Variants in PTPRN2 observed in about 807,000 individuals in gnomAD.
The protein encoded by PTPRN2 is receptor-type tyrosine-protein phosphatase N2.
A neutral mutation model predicts 118.8 loss-of-function variants in PTPRN2; 74 were observed. The observed-to-expected ratio is 0.62, with a 90% CI of 0.52 to 0.76. The LOEUF (loss-of-function observed/expected upper bound fraction) is 0.76. Ranked by LOEUF, PTPRN2 falls within the 30% of genes least tolerant of loss-of-function variation. PTPRN2 has a pLI of 0.00. For missense variants in PTPRN2, 1,481 were observed against 1,394.4 expected, an observed-to-expected ratio of 1.06 and a Z score of -0.99; for synonymous variants, 641 against 608.0, an observed-to-expected ratio of 1.05 and a Z score of -0.80.
chr7:158,408,144 A>G (rs1384262740), intron 2 of PTPRN2, among the ~76,000 whole-genome samples: 1 of 152,232 alleles, frequency 6.6e-6, no homozygotes, highest in African/African-American at 2.4e-5. Flanking sequence ...GGTGGCCTTC[A>G]GTGTTAGAAG....
chr7:158,195,152 G>A (rs184869324), intron 4 of PTPRN2, among the ~76,000 whole-genome samples: 9 of 152,122 alleles, frequency 5.9e-5, no homozygotes, highest in Non-Finnish European at 7.3e-5. Context: ...GTCCTTCAGC[G>A]TCTGTATTTC....
At chr7:157,837,500 G>A (rs945194352) in intron 12 of PTPRN2, among the ~76,000 whole-genome samples, 3 of 151,232 alleles carry the variant, frequency 2.0e-5, no homozygotes, top group African/African-American at 4.9e-5. Flanking sequence ...CTCAGAAGGG[G>A]CACCATGAGG....
At chr7:157,721,521 C>T (rs541416486) in intron 12 of PTPRN2, among the ~76,000 whole-genome samples, 4 of 152,362 alleles carry the variant, frequency 2.6e-5, no homozygotes, top group Non-Finnish European at 5.9e-5. Flanking sequence ...TCCTGACTGT[C>T]AGCCGAGCCC....
At chr7:158,326,261 G>A (rs1398669042) in intron 2 of PTPRN2, among the ~76,000 whole-genome samples, 1 of 152,236 alleles carries the variant, frequency 6.6e-6, no homozygotes, top group African/African-American at 2.4e-5. Context: ...TGGCCAGTGA[G>A]CACCAAGCAG....
rs905501171 is a variant in PTPRN2, at chr7:157,661,337, G to A, written c.2002-4786C>T. Among the ~76,000 whole-genome samples, 6 of 152,290 alleles carry A rather than the reference G, an allele frequency of 3.9e-5. No individual in the cohort carries two copies. The East Asian group carries it at 5.8e-4, about 15-fold the overall frequency. On this transcript the variant is annotated intron_variant, in intron 13 of 22. Coordinates refer to ENST00000389418, the MANE Select transcript of PTPRN2 (RefSeq NM_002847.5). ...GCTTGGCGCAGAATGCTGGAGACCC[G>A]TGGCGGCAGCTCTTCGCCTGTGCAG... is the stretch of plus-strand genomic sequence containing the variant.
chr7:158,005,376 G>T (rs1421181368), intron 11 of PTPRN2, among the ~76,000 whole-genome samples: 1 of 151,994 alleles, frequency 6.6e-6, no homozygotes, highest in Non-Finnish European at 1.5e-5. Context: ...ACCCAGTCGT[G>T]GTCACTCTTA....
At chr7:158,262,987 TCACACACATTGCA>T (rs1318081475) in intron 3 of PTPRN2, among the ~76,000 whole-genome samples, 2 of 136,912 alleles carry the variant, frequency 1.5e-5, no homozygotes, top group African/African-American at 2.9e-5. Flanking sequence ...ACATACAGAT[TCACACACATTGCA>T]CACACACATT....
chr7:158,490,878 G>C (rs1353598257), intron 1 of PTPRN2, among the ~76,000 whole-genome samples: 1 of 152,220 alleles, frequency 6.6e-6, no homozygotes, highest in Non-Finnish European at 1.5e-5. Flanking sequence ...CCCTCTCCTG[G>C]AGTTCAGGAG....
Position 157,646,991 on chromosome 7 carries a change from C to T in PTPRN2, c.2196+9366G>A, listed in dbSNP as rs534500440. On this transcript the variant is annotated intron_variant, in intron 14 of 22. Transcript: ENST00000389418. The stretch of plus-strand genomic sequence containing the variant: ...TTGGACCCATTCACTGTGCACTGAA[C>T]TCGGTGGGTCGGACCCATTCACTGT... Among the ~76,000 whole-genome samples the T allele has an allele frequency of 8.8e-5, 13 of 147,228 alleles. 1 individual carries two copies. Among genetic ancestry groups the T allele is most frequent in the African/African-American group, 3.4e-4 (13 of 38,682 alleles).
At position 157,845,612 on chromosome 7, in the gene PTPRN2, T is replaced by C. The variant is rs1268040996; in HGVS notation, c.1788+53061A>G. 6.6e-6 allele frequency among the ~76,000 whole-genome samples: 1 copy of C among 152,188 alleles called. No individual in the cohort carries two copies. The highest frequency in any genetic ancestry group is 1.5e-5 in the Non-Finnish European group (1 of 68,026). ...CAGCCCAGGCAATGTTAAGGAGCAT[T>C]GCATGGAGGAGCCACTTGCAGATGC... is the stretch of plus-strand genomic sequence containing the variant. On this transcript the variant is annotated intron_variant, in intron 12 of 22. Transcript: ENST00000389418. This position sits in a 1 kb window ranked among gnomAD's most constrained non-coding sequence, Gnocchi z 4.5.
intron 11 of PTPRN2, among the ~76,000 whole-genome samples, chr7:158,041,505 G>A (rs1263714397): frequency 2.0e-5 from 3 of 151,970 alleles, no homozygotes; most frequent in African/African-American, 7.3e-5. Context: ...TGGGGTGGTG[G>A]TACACACCTG....
chr7:158,258,203 ACAC>A (rs979123827), intron 3 of PTPRN2, among the ~76,000 whole-genome samples: 4 of 152,244 alleles, frequency 2.6e-5, no homozygotes, highest in South Asian at 2.1e-4. Context: ...CGACGTCCAC[ACAC>A]CACATTTCCT....
intron 3 of PTPRN2, among the ~76,000 whole-genome samples, chr7:158,209,770 T>C (rs917321714): frequency 1.4e-4 from 22 of 152,224 alleles, no homozygotes; most frequent in Admixed American, 1.4e-3. Flanking sequence ...CATGAATAAT[T>C]CTCAAGAATA....
intron 1 of PTPRN2, among the ~76,000 whole-genome samples, chr7:158,535,123 CT>C (rs1242549011): frequency 6.6e-6 from 1 of 152,224 alleles, no homozygotes; most frequent in Non-Finnish European, 1.5e-5. Flanking sequence ...GTATTCTTTT[CT>C]GTGGCTGTTA....
chr7:158,104,291 A>G (rs1264844683), intron 10 of PTPRN2, among the ~76,000 whole-genome samples: 1 of 152,222 alleles, frequency 6.6e-6, no homozygotes, highest in Admixed American at 6.5e-5. Flanking sequence ...GATGAAGACA[A>G]TGGAGGTCAG....
chr7:157,693,863 C>A (rs1347261167), intron 12 of PTPRN2, among the ~76,000 whole-genome samples: 1 of 152,148 alleles, frequency 6.6e-6, no homozygotes, highest in Non-Finnish European at 1.5e-5. Context: ...CCAGGAGTGG[C>A]CGGTAGCCGT....
intron 21 of PTPRN2, among the ~76,000 whole-genome samples, chr7:157,559,220 T>C (rs115807066): frequency 0.012 from 1,862 of 152,306 alleles, 37 homozygotes; most frequent in African/African-American, 0.043. Context: ...CCAGGCTGCA[T>C]GTGCCTGGAC....
intron 2 of PTPRN2, among the ~76,000 whole-genome samples, chr7:158,446,503 C>T (rs995623423): frequency 2.6e-5 from 4 of 151,312 alleles, no homozygotes; most frequent in Non-Finnish European, 4.4e-5. Flanking sequence ...GAGACCCACC[C>T]GAGCCACAGC....
At chr7:157,565,536 G>A (rs529404064) in intron 21 of PTPRN2, among the ~76,000 whole-genome samples, 39 of 152,328 alleles carry the variant, frequency 2.6e-4, no homozygotes, top group African/African-American at 4.6e-4. Flanking sequence ...TGGGAATGCC[G>A]TGGAAGTTTG....
Sources: allele counts gnomAD v4.1 joint callset (sites outside exome capture counted in the v4.1 genomes callset), GRCh38; gene constraint gnomAD v4.1.1; non-coding constraint Gnocchi (gnomAD v3.1); transcripts MANE v1.5; gene names NCBI Gene and HGNC (gene_info 2026-07-23, HGNC 2026-07-21).